The following INPP4A variants were observed in gnomAD, a reference collection of about 807,000 sequenced individuals.
The protein encoded by INPP4A is inositol polyphosphate-4-phosphatase type I A.
A neutral mutation model predicts 119.8 loss-of-function variants in INPP4A; 33 were observed. The observed-to-expected ratio is 0.28, with a 90% CI of 0.21 to 0.37. The LOEUF is 0.37. Ranked by LOEUF, INPP4A falls within the 10% of genes least tolerant of loss-of-function variation. The pLI, the probability that INPP4A is intolerant of heterozygous loss-of-function variation, is 1.00. For synonymous variants in INPP4A, 496 were observed against 500.7 expected (o/e 0.99, Z 0.12); for missense variants, 956 against 1,289.9 (o/e 0.74, Z 3.97).
chr2:98,518,310 G>A (rs1686535154), intron 1 of INPP4A, among the ~76,000 whole-genome samples: 1 of 152,256 alleles, frequency 6.6e-6, no homozygotes, highest in African/African-American at 2.4e-5. Flanking sequence ...GGCACCCCTA[G>A]TGGGAGGGAT....
intron 4 of INPP4A, among the ~76,000 whole-genome samples, chr2:98,526,614 T>C (rs770886765): frequency 7.2e-5 from 11 of 152,184 alleles, no homozygotes; most frequent in Non-Finnish European, 1.6e-4. Context: ...TAACAGAGGC[T>C]TACAGCACTC....
chr2:98,489,926 A>G (rs570837927), intron 1 of INPP4A, among the ~76,000 whole-genome samples: 2 of 132,400 alleles, frequency 1.5e-5, no homozygotes, highest in African/African-American at 5.8e-5. Flanking sequence ...TCCATATGGG[A>G]TTGACATCCC....
rs1700398908 is a variant in INPP4A, at chr2:98,591,438, A to G, written c.*3830A>G. 1 of 152,176 alleles carries G rather than the reference A, an allele frequency of 6.6e-6. No individual in the cohort carries two copies. The highest frequency in any genetic ancestry group is 6.5e-5 in the Admixed American group (1 of 15,288). The allele number at this position is 152,176 out of a possible 1,614,324, so 9.4% of individuals were successfully genotyped here. The stretch of plus-strand genomic sequence containing the variant: ...AATCCATCTGGAATCATCTTGGTGT[A>G]AGTCCTGTGTTGTGCTTACAGTATG... On this transcript the variant is annotated 3_prime_UTR_variant, in exon 25 of 25. Coordinates refer to ENST00000409851, the MANE Select transcript of INPP4A (RefSeq NM_001134225.2).
At chr2:98,582,541 A>C (rs566866135) in intron 24 of INPP4A, among the ~76,000 whole-genome samples, 2 of 150,992 alleles carry the variant, frequency 1.3e-5, no homozygotes, top group South Asian at 2.1e-4. Flanking sequence ...CATACGCCAG[A>C]CACAGAAAGA....
chr2:98,503,686 A>G (rs1367101402), intron 1 of INPP4A, among the ~76,000 whole-genome samples: 1 of 152,246 alleles, frequency 6.6e-6, no homozygotes, highest in African/African-American at 2.4e-5. Context: ...TGTTGAACAG[A>G]TGAATGGACA....
intron 1 of INPP4A, among the ~76,000 whole-genome samples, chr2:98,502,969 C>T (rs920449371): frequency 3.9e-5 from 6 of 152,158 alleles, no homozygotes; most frequent in East Asian, 1.9e-4. Flanking sequence ...GGAGTTTGGA[C>T]GGACTAGGTT....
At chr2:98,515,495 G>A (rs917759297) in intron 1 of INPP4A, among the ~76,000 whole-genome samples, 2 of 152,148 alleles carry the variant, frequency 1.3e-5, no homozygotes, top group African/African-American at 2.4e-5. Flanking sequence ...GGCCCCCATT[G>A]CACTTGGGCT....
rs1257593014 is a variant in INPP4A at position 98,563,656 on chromosome 2, C to T, written c.2028+19C>T. On this transcript the variant is annotated intron_variant, in intron 18 of 24. Coordinates refer to ENST00000409851, the MANE Select transcript of INPP4A (RefSeq NM_001134225.2). ...CCAGACGGTAGGCCCCGGGAGCACC[C>T]CGAGGGAGACCACGGGCACCTCTCA... 1.9e-6 allele frequency: 3 copies of T among 1,609,838 alleles called. No individual in the cohort carries two copies. Among genetic ancestry groups the T allele is most frequent in the East Asian group, 4.5e-5 (2 of 44,860 alleles).
At position 98,566,671 on chromosome 2, in the gene INPP4A, G is replaced by T. The variant is rs997850549; in HGVS notation, c.2420+502G>T. 3.9e-5 allele frequency among the ~76,000 whole-genome samples: 6 copies of T among 152,174 alleles called. No individual in the cohort carries two copies. The highest frequency in any genetic ancestry group is 1.2e-4 in the African/African-American group (5 of 41,420). On this transcript the variant is annotated intron_variant, in intron 21 of 24. Coordinates refer to ENST00000409851, the MANE Select transcript of INPP4A (RefSeq NM_001134225.2). The surrounding 1 kb of genome is among the most constrained non-coding windows in gnomAD (Gnocchi z 4.2). ...AGGGTAGACAGGCTCTGTGTGCCAG[G>T]CTGAGACTCATGCCTGAACCTAAAG...
chr2:98,543,875 A>G lies in INPP4A; in HGVS notation c.819-2A>G. The G allele has an allele frequency of 6.2e-7, 1 of 1,613,524 alleles. No individual in the cohort carries two copies. On this transcript the variant is annotated splice_acceptor_variant, in intron 10 of 24. Coordinates refer to ENST00000409851, the MANE Select transcript of INPP4A (RefSeq NM_001134225.2). LOFTEE classifies it high-confidence loss of function. The stretch of plus-strand genomic sequence containing the variant: ...CCTGATGCATCTGTGTCTTGCTTTC[A>G]GAGTGTGTGAGCTGGAGGAGCTGGG...
chr2:98,490,440 T>G lies in INPP4A; in HGVS notation c.-165-28524T>G, dbSNP rs78003692. 5.2e-3 allele frequency among the ~76,000 whole-genome samples: 788 copies of G among 152,122 alleles called. 9 individuals carry two copies. The highest frequency in any genetic ancestry group is 0.018 in the African/African-American group (732 of 41,484). ...CGAAGGTGCCCTGTGGGAGGAGCTGTGTCCATCCCTCAGCGGTCTCCTCCA... is the reference window on the plus strand; with the variant it reads ...CGAAGGTGCCCTGTGGGAGGAGCTGGGTCCATCCCTCAGCGGTCTCCTCCA... On this transcript the variant is annotated intron_variant, in intron 1 of 24. Coordinates refer to ENST00000409851, the MANE Select transcript of INPP4A (RefSeq NM_001134225.2).
intron 1 of INPP4A, among the ~76,000 whole-genome samples, chr2:98,476,292 C>T (rs1677186188): frequency 6.6e-6 from 1 of 152,228 alleles, no homozygotes; most frequent in Non-Finnish European, 1.5e-5. Context: ...GATAGTTTGA[C>T]TAAGCTTTAG....
intron 1 of INPP4A, among the ~76,000 whole-genome samples, chr2:98,462,924 C>T (rs1052546620): frequency 6.6e-6 from 1 of 152,074 alleles, no homozygotes; most frequent in African/African-American, 2.4e-5. Flanking sequence ...TCACTGCAAC[C>T]TCCACCTCCC....
At position 98,546,749 on chromosome 2, in the gene INPP4A, C is replaced by T; in HGVS notation, c.1163+55C>T. On this transcript the variant is annotated intron_variant, in intron 13 of 24. Coordinates refer to ENST00000409851, the MANE Select transcript of INPP4A (RefSeq NM_001134225.2). The surrounding 1 kb of genome is among the most constrained non-coding windows in gnomAD (Gnocchi z 4.2). ...TGTACAGCTTTCTGATGCTTCTTTT[C>T]TCAGTTTAAAATAAAATCAAAATAT... The T allele has an allele frequency of 9.0e-7, 1 of 1,106,840 alleles. No homozygotes were observed. The highest frequency in any genetic ancestry group is 1.4e-6 in the Non-Finnish European group (1 of 729,242). The allele number at this position is 1,106,840 out of a possible 1,614,324, so 68.6% of individuals were successfully genotyped here. A position where few individuals can be genotyped will look rare whatever the true frequency, so the allele number is the denominator to read the frequency against.
chr2:98,455,932 G>C (rs1274219829), intron 1 of INPP4A, among the ~76,000 whole-genome samples: 2 of 152,224 alleles, frequency 1.3e-5, no homozygotes, highest in African/African-American at 4.8e-5. Context: ...GGTCCAGCTA[G>C]AGCGTCCCGT....
chr2:98,519,804 G>A (rs1686835943), intron 2 of INPP4A, 142 bp from the exon 3 acceptor site: 4 of 503,696 alleles, frequency 7.9e-6, no homozygotes, highest in South Asian at 2.2e-5. Context: ...AGGGAGCAGT[G>A]GACAGTCCAC....
At chr2:98,505,391 T>TA (rs1201929652) in intron 1 of INPP4A, among the ~76,000 whole-genome samples, 1 of 152,076 alleles carries the variant, frequency 6.6e-6, no homozygotes, top group Non-Finnish European at 1.5e-5. Flanking sequence ...CCTGACTTTT[T>TA]ATGTGTCCAG....
intron 1 of INPP4A, among the ~76,000 whole-genome samples, chr2:98,462,935 G>A (rs1446060466): frequency 6.6e-6 from 1 of 151,884 alleles, no homozygotes; most frequent in African/African-American, 2.4e-5. Context: ...TCCACCTCCC[G>A]GGTTCAAGCC....
chr2:98,564,215 T>TA (rs1459314038), intron 18 of INPP4A, among the ~76,000 whole-genome samples: 1 of 152,112 alleles, frequency 6.6e-6, no homozygotes, highest in African/African-American at 2.4e-5. Context: ...CCATAGAAAA[T>TA]CTCCCACTGG....
Sources: allele counts gnomAD v4.1 joint callset (sites outside exome capture counted in the v4.1 genomes callset), GRCh38; gene constraint gnomAD v4.1.1; non-coding constraint Gnocchi (gnomAD v3.1); transcripts MANE v1.5; gene names NCBI Gene and HGNC (gene_info 2026-07-23, HGNC 2026-07-21).